The following SLC39A14 variants were observed in gnomAD, a reference collection of about 807,000 sequenced individuals.
The protein encoded by SLC39A14 is solute carrier family 39 member 14.
SLC39A14 carries 19 observed loss-of-function variants against 45.5 expected under a neutral mutation model. The ratio of observed to expected loss-of-function variants is 0.42; its 90% confidence interval spans 0.29 to 0.61. The LOEUF (loss-of-function observed/expected upper bound fraction) is 0.61, where lower values mean the gene tolerates loss of function less well. Ranked by LOEUF, SLC39A14 falls within the 20% of genes least tolerant of loss-of-function variation. The probability of loss-of-function intolerance (pLI) is 0.22; values close to 1 mark genes in which losing one functional copy is unlikely to be tolerated. For missense variants in SLC39A14, 447 were observed against 616.5 expected, an observed-to-expected ratio of 0.73 and a Z score of 2.91; for synonymous variants, 264 against 251.3, an observed-to-expected ratio of 1.05 and a Z score of -0.48.
At chr8:22,402,914 T>C (rs1033233702) in intron 1 of SLC39A14, among the ~76,000 whole-genome samples, 1 of 152,210 alleles carries the variant, frequency 6.6e-6, no homozygotes, top group African/African-American at 2.4e-5. Context: ...ACCTATGTCA[T>C]ATCAAATGGT....
chr8:22,417,897 G>T lies in SLC39A14; in HGVS notation c.1332+62G>T, dbSNP rs1563612318. ...TAAGGGGATGGATGTTAGGTAGGTA[G>T]TTTTTTTTTATTTTTATTTTTTTGA... On this transcript the variant is annotated intron_variant, in intron 8 of 8. Transcript: ENST00000381237. 6 of 1,397,698 alleles carry T rather than the reference G, an allele frequency of 4.3e-6. No homozygotes were observed. In the African/African-American group the frequency reaches 5.8e-5, roughly 14 times the overall value. 86.6% of individuals were successfully genotyped at this position (1,397,698 alleles called of 1,614,324 possible). A position where few individuals can be genotyped will look rare whatever the true frequency, so the allele number is the denominator to read the frequency against.
intron 8 of SLC39A14, among the ~76,000 whole-genome samples, chr8:22,432,412 C>G (rs1468258762): frequency 6.6e-6 from 1 of 152,008 alleles, no homozygotes; most frequent in Non-Finnish European, 1.5e-5. Flanking sequence ...CTCTCTTTCT[C>G]TCTGCTCCTT....
chr8:22,376,334 ATTTTTTT>A (rs778041310), intron 1 of SLC39A14, among the ~76,000 whole-genome samples: 32 of 122,430 alleles, frequency 2.6e-4, no homozygotes, highest in East Asian at 1.0e-3. Flanking sequence ...ACCACACCTA[ATTTTTTT>A]TTTTTTTTTT....
At position 22,419,733 on chromosome 8, in the gene SLC39A14, G is replaced by T. The variant is rs199981799; in HGVS notation, c.*35G>T. 1.5e-4 allele frequency: 233 copies of T among 1,534,662 alleles called. No individual in the cohort carries two copies. In the African/African-American group the frequency reaches 2.9e-3, roughly 19 times the overall value. On this transcript the variant is annotated 3_prime_UTR_variant, in exon 9 of 9. Transcript: ENST00000381237. The stretch of plus-strand genomic sequence containing the variant: ...AAGAGCCTGTGGGACTGGAAGTCGG[G>T]CCCTGGGCTGCCCGATCGCCAGCCC...
chr8:22,422,324 C>G lies in SLC39A14; in HGVS notation c.*2626C>G. On this transcript the variant is annotated 3_prime_UTR_variant, in exon 9 of 9. Coordinates refer to ENST00000381237, the MANE Select transcript of SLC39A14 (RefSeq NM_001128431.4). ...ACACAGCTTGCCCCTGTCTTTGCCCCCAAAGGTATTTTGTGTCTAGTGTCA... is the reference window on the plus strand; with the variant it reads ...ACACAGCTTGCCCCTGTCTTTGCCCGCAAAGGTATTTTGTGTCTAGTGTCA... The G allele has an allele frequency of 2.0e-6, 2 of 985,782 alleles. No homozygotes were observed. The highest frequency in any genetic ancestry group is 2.4e-6 in the Non-Finnish European group (2 of 829,938). 61.1% of individuals were successfully genotyped at this position (985,782 alleles called of 1,614,324 possible).
At position 22,416,153 on chromosome 8, in the gene SLC39A14, C is replaced by A. The variant is rs1306691682; in HGVS notation, c.1020C>A (p.Ile340=). 1 of 1,614,118 alleles carries A rather than the reference C, an allele frequency of 6.2e-7. No homozygotes were observed. The highest frequency in any genetic ancestry group is 8.5e-7 in the Non-Finnish European group (1 of 1,180,028). Residue 340 remains isoleucine (I), a synonymous_variant, in exon 7 of 9, where the codon ATC becomes ATA. Transcript: ENST00000381237. Reference sequence around the variant, plus strand: ...ATATCGGCACTCTGGCCTGGATGATCACTCTGAGCGACGGCCTCCATAATT... The same window carrying A: ...ATATCGGCACTCTGGCCTGGATGATAACTCTGAGCGACGGCCTCCATAATT... ...YSDIGTLAWM[I]TLSDGLHNFI...
chr8:22,410,065 C>G (rs776941113), intron 3 of SLC39A14: 2 of 1,614,052 alleles, frequency 1.2e-6, no homozygotes, highest in Non-Finnish European at 1.7e-6. Context: ...CTTCATCGCC[C>G]TGTCCATTGG....
intron 1 of SLC39A14, among the ~76,000 whole-genome samples, chr8:22,380,636 A>G (rs987788754): frequency 1.3e-5 from 2 of 150,548 alleles, no homozygotes; most frequent in African/African-American, 4.9e-5. Flanking sequence ...GCAGCACCCT[A>G]CCCCCTGCCC....
intron 1 of SLC39A14, among the ~76,000 whole-genome samples, chr8:22,396,389 G>T (rs1834388758): frequency 1.6e-4 from 1 of 6,098 alleles, no homozygotes; most frequent in African/African-American, 2.4e-3. Context: ...AATAAATAGA[G>T]AGAGAGAGAG....
intron 1 of SLC39A14, among the ~76,000 whole-genome samples, chr8:22,402,300 G>A (rs1375035845): frequency 6.6e-6 from 1 of 152,068 alleles, no homozygotes; most frequent in Non-Finnish European, 1.5e-5. Flanking sequence ...TGGGAGAATG[G>A]TGTGAACCCA....
chr8:22,372,599 A>C lies in SLC39A14; in HGVS notation c.-16+5191A>C, dbSNP rs187075572. Among the ~76,000 whole-genome samples the C allele has an allele frequency of 3.9e-5, 6 of 152,330 alleles. No homozygotes were observed. In the East Asian group the frequency reaches 9.6e-4, roughly 24 times the overall value. On this transcript the variant is annotated intron_variant, in intron 1 of 8. Coordinates refer to ENST00000381237, the MANE Select transcript of SLC39A14 (RefSeq NM_001128431.4). Reference sequence around the variant, plus strand: ...TAAAAAAATGAAGCGAAGACAAGAGATATTTGCAAAACAGCCATGTTCGGA... The same window carrying C: ...TAAAAAAATGAAGCGAAGACAAGAGCTATTTGCAAAACAGCCATGTTCGGA...
rs1428836589 is a variant in SLC39A14, at chr8:22,396,498, AG to A, written c.-15-8197del. Among the ~76,000 whole-genome samples, 6 of 5,352 alleles carry A rather than the reference AG, an allele frequency of 1.1e-3. 2 individuals carry two copies. The highest frequency in any genetic ancestry group is 7.7e-3 in the East Asian group (1 of 130). 3.5% of individuals were successfully genotyped at this position (5,352 alleles called of 152,430 possible). The stretch of plus-strand genomic sequence containing the variant: ...GAGAGAGAGAGAGAGAGAGAGAGAG[AG>A]AGGGAGAGAGAGAGAGAGAGAGAGA... On this transcript the variant is annotated intron_variant, in intron 1 of 8. Transcript: ENST00000381237.
intron 1 of SLC39A14, among the ~76,000 whole-genome samples, chr8:22,380,742 TA>T (rs1257102920): frequency 6.6e-6 from 1 of 151,634 alleles, no homozygotes; most frequent in Non-Finnish European, 1.5e-5. Flanking sequence ...AGTGGCTCCA[TA>T]ATGGCCCACT....
intron 2 of SLC39A14, 143 bp downstream of exon 2, chr8:22,405,123 G>C: frequency 1.4e-6 from 1 of 712,934 alleles, no homozygotes; most frequent in East Asian, 2.7e-5. Context: ...GAGTGGACAG[G>C]CTGATTCTTT....
At chr8:22,397,449 G>T (rs1255744904) in intron 1 of SLC39A14, among the ~76,000 whole-genome samples, 1 of 152,086 alleles carries the variant, frequency 6.6e-6, no homozygotes, top group Non-Finnish European at 1.5e-5. Flanking sequence ...GTGGTGGTGG[G>T]CGCCTGTAGT....
chr8:22,401,270 C>T (rs762699928), intron 1 of SLC39A14, among the ~76,000 whole-genome samples: 41 of 152,326 alleles, frequency 2.7e-4, no homozygotes, highest in Non-Finnish European at 5.1e-4. Flanking sequence ...GCCGCTGTTC[C>T]TCTGTCGTAA....
intron 2 of SLC39A14, among the ~76,000 whole-genome samples, chr8:22,407,755 G>A (rs906647413): frequency 1.3e-5 from 2 of 151,578 alleles, no homozygotes; most frequent in African/African-American, 2.4e-5. Flanking sequence ...CACCCAGGCT[G>A]GAGTGCAGTG....
At chr8:22,382,621 A>G (rs1210925633) in intron 1 of SLC39A14, among the ~76,000 whole-genome samples, 2 of 152,172 alleles carry the variant, frequency 1.3e-5, no homozygotes, top group African/African-American at 2.4e-5. Context: ...GTAGGGAGCT[A>G]TGATCCGGGC....
rs547385203 is a variant in SLC39A14 at position 22,383,896 on chromosome 8, C to T, written c.-16+16488C>T. On this transcript the variant is annotated intron_variant, in intron 1 of 8. Coordinates refer to ENST00000381237, the MANE Select transcript of SLC39A14 (RefSeq NM_001128431.4). ...TACCAGGTCCCTGGGCAGCAAGCCA[C>T]GCTGTTCCCATCTCCCTTCCCAGAA... 2.4e-3 allele frequency among the ~76,000 whole-genome samples: 366 copies of T among 152,288 alleles called. 2 individuals carry two copies. The highest frequency in any genetic ancestry group is 8.3e-3 in the African/African-American group (344 of 41,564).
Sources: gnomAD v4.1 joint callset for allele counts (sites outside exome capture counted in the v4.1 genomes callset) on GRCh38, gnomAD v4.1.1 for gene constraint, MANE v1.5 for transcripts, NCBI Gene and HGNC (gene_info 2026-07-23, HGNC 2026-07-21) for gene names.